Variants in RYR3 observed in about 807,000 individuals in gnomAD.
The protein encoded by RYR3 is brain ryanodine receptor-calcium release channel.
A neutral mutation model predicts 584.3 loss-of-function variants in RYR3; 207 were observed. The ratio of observed to expected loss-of-function variants is 0.35; its 90% CI spans 0.32 to 0.40. The LOEUF (loss-of-function observed/expected upper bound fraction) is 0.40, where lower values mean the gene tolerates loss of function less well. RYR3 is among the 10% of genes least tolerant of loss of function. The probability of loss-of-function intolerance (pLI) is 1.00; values close to 1 mark genes in which losing one functional copy is unlikely to be tolerated. For synonymous variants in RYR3, 2,416 were observed against 2,248.5 expected (o/e 1.07, Z -2.11); for missense variants, 5,616 against 6,089.2 (o/e 0.92, Z 2.59).
chr15:33,469,988 C>T (rs2048803450), intron 1 of RYR3, among the ~76,000 whole-genome samples: 1 of 152,056 alleles, frequency 6.6e-6, no homozygotes, highest in African/African-American at 2.4e-5. Flanking sequence ...ATTTGGGAGA[C>T]AGTAAGGCAA....
intron 44 of RYR3, among the ~76,000 whole-genome samples, chr15:33,723,632 G>C (rs533027476): frequency 6.6e-6 from 1 of 152,102 alleles, no homozygotes; most frequent in African/African-American, 2.4e-5. Context: ...CTACACATAC[G>C]CTTTCGCCAC....
At chr15:33,854,977 G>A in intron 98 of RYR3, 65 bp downstream of exon 98, 6 of 1,452,218 alleles carry the variant, frequency 4.1e-6, no homozygotes, top group Non-Finnish European at 5.6e-6. Flanking sequence ...AGAACAGCAG[G>A]TAGTATACAG....
intron 45 of RYR3, among the ~76,000 whole-genome samples, chr15:33,724,779 CT>C: frequency 6.6e-6 from 1 of 152,248 alleles, no homozygotes; most frequent in East Asian, 1.9e-4. Flanking sequence ...GAAATAGCTG[CT>C]TTTCCTATGA....
intron 36 of RYR3, among the ~76,000 whole-genome samples, chr15:33,664,274 G>T (rs1317255545): frequency 2.0e-5 from 3 of 152,042 alleles, no homozygotes; most frequent in Non-Finnish European, 4.4e-5. Flanking sequence ...AGTCATCTTT[G>T]TGATTTGTTG....
chr15:33,860,601 T>G lies in RYR3; in HGVS notation c.14306T>G (p.Ile4769Ser). The change falls in exon 101 of 104, where the codon ATT (isoleucine) becomes AGT (serine). Residue 4769 changes from isoleucine (I) to serine (S), a missense_variant. Physicochemically the swap from Ile to Ser is moderately radical, Grantham distance 142 (BLOSUM62 -2). Coordinates refer to ENST00000634891, the MANE Select transcript of RYR3 (RefSeq NM_001036.6). The part of the protein sequence containing the change: ...VILLAIIQGL[I>S]IDAFGELRDQ... ...TTTGTATTTAACATTCCAGGTCTTA[T>G]TATTGATGCTTTCGGAGAGCTAAGA... 2 of 1,583,888 alleles carry G rather than the reference T, an allele frequency of 1.3e-6. No individual in the cohort carries two copies. Among genetic ancestry groups the G allele is most frequent in the Non-Finnish European group, 8.6e-7 (1 of 1,162,746 alleles).
chr15:33,495,827 G>A (rs977385735), intron 2 of RYR3, among the ~76,000 whole-genome samples: 2 of 152,194 alleles, frequency 1.3e-5, no homozygotes, highest in Admixed American at 1.3e-4. Context: ...ATAAAATCTG[G>A]TTAAGATGAG....
At chr15:33,850,823 GCTAT>G (rs2079053131) in intron 94 of RYR3, 1 of 151,976 alleles carries the variant, frequency 6.6e-6, no homozygotes, top group Non-Finnish European at 1.5e-5. Context: ...CCAACCCACA[GCTAT>G]CTACATTTTT....
chr15:33,834,285 AAC>A (rs61059288), intron 86 of RYR3, among the ~76,000 whole-genome samples: 24,716 of 136,818 alleles, frequency 0.18, 2,182 homozygotes, highest in Middle Eastern at 0.26. Flanking sequence ...ATCTGTCTTA[AAC>A]ACACACACAC....
At chr15:33,383,345 A>G (rs1595915804) in intron 1 of RYR3, among the ~76,000 whole-genome samples, 2 of 148,812 alleles carry the variant, frequency 1.3e-5, no homozygotes, top group African/African-American at 2.5e-5. Flanking sequence ...AGGCCAGAAA[A>G]ATGAATGCAG....
chr15:33,693,811 G>A (rs1172344154), intron 38 of RYR3, among the ~76,000 whole-genome samples: 1 of 152,196 alleles, frequency 6.6e-6, no homozygotes, highest in Non-Finnish European at 1.5e-5. Context: ...GGATGAGTTT[G>A]GACAAGAGCA....
chr15:33,324,546 G>C (rs79942985), intron 1 of RYR3, among the ~76,000 whole-genome samples: 4,079 of 152,252 alleles, frequency 0.027, 62 homozygotes, highest in Non-Finnish European at 0.037. Context: ...TTTGGTGCTT[G>C]TCAACATCTA....
rs431825174 is a variant in RYR3 at position 33,857,900 on chromosome 15, G to A, written c.14128G>A (p.Asp4710Asn). 2.9e-5 allele frequency: 46 copies of A among 1,613,984 alleles called. No homozygotes were observed. Among genetic ancestry groups the A allele is most frequent in the Admixed American group, 8.3e-5 (5 of 60,006 alleles). ...EDDDEPDMKCDDMMTCYLFHM... is the reference protein window; with the variant it reads ...EDDDEPDMKCNDMMTCYLFHM... ...CGATGACGAGCCCGATATGAAGTGC[G>A]ACGACATGATGACGGTGAGAGCCCA... The change falls in exon 99 of 104, where the codon GAC becomes AAC. Residue 4710 changes from aspartate to asparagine, a missense_variant. Around this residue, in one of 9 missense-constraint regions of RYR3, gnomAD observed 918 missense variants for 887.4 expected, o/e 1.03. Coordinates refer to ENST00000634891, the MANE Select transcript of RYR3 (RefSeq NM_001036.6).
chr15:33,750,536 C>T (rs1367857580), intron 57 of RYR3, among the ~76,000 whole-genome samples: 1 of 152,170 alleles, frequency 6.6e-6, no homozygotes, highest in Non-Finnish European at 1.5e-5. Context: ...TTCATTGTAA[C>T]TTAAAATATA....
At chr15:33,722,237 A>T (rs1483534708) in intron 43 of RYR3, among the ~76,000 whole-genome samples, 1 of 152,164 alleles carries the variant, frequency 6.6e-6, no homozygotes, top group African/African-American at 2.4e-5. Context: ...GGTAATCAAG[A>T]TGTAAAGTCC....
chr15:33,399,587 G>A (rs1433356502), intron 1 of RYR3, among the ~76,000 whole-genome samples: 2 of 152,074 alleles, frequency 1.3e-5, no homozygotes, highest in African/African-American at 4.8e-5. Context: ...GCAGTGAGCC[G>A]AGATAGCGCC....
rs184506951 is a variant in RYR3, at chr15:33,398,499, G to A, written c.52-74920G>A. Among the ~76,000 whole-genome samples the A allele has an allele frequency of 1.8e-3, 279 of 152,326 alleles. 1 individual carries two copies. The highest frequency in any genetic ancestry group is 3.3e-3 in the Admixed American group (50 of 15,308). On this transcript the variant is annotated intron_variant, in intron 1 of 103. Coordinates refer to ENST00000634891, the MANE Select transcript of RYR3 (RefSeq NM_001036.6). ...GATTAGGTCACAGTGAATTTTGGCA[G>A]TATTAAAATGTGCTAGTCTGACAGA... is the stretch of plus-strand genomic sequence containing the variant.
intron 3 of RYR3, among the ~76,000 whole-genome samples, chr15:33,506,997 A>T (rs2052540574): frequency 6.6e-6 from 1 of 152,196 alleles, no homozygotes; most frequent in South Asian, 2.1e-4. Flanking sequence ...TCTGTTTGGA[A>T]ATAGCCATTT....
At chr15:33,643,349 T>C (rs2061935095) in intron 27 of RYR3, among the ~76,000 whole-genome samples, 1 of 152,240 alleles carries the variant, frequency 6.6e-6, no homozygotes. Context: ...CCTGTGTTGC[T>C]GATTTGTTGG....
At chr15:33,734,630 G>T (rs1463502305) in intron 48 of RYR3, among the ~76,000 whole-genome samples, 1 of 150,626 alleles carries the variant, frequency 6.6e-6, no homozygotes, top group Non-Finnish European at 1.5e-5. Context: ...TGGTGAGACT[G>T]ATTTGAGCTG....
Sources: gnomAD v4.1 joint callset for allele counts (sites outside exome capture counted in the v4.1 genomes callset) on GRCh38, gnomAD v4.1.1 for gene constraint, gnomAD v4.1.1 regional missense constraint, MANE v1.5 for transcripts, NCBI Gene and HGNC (gene_info 2026-07-23, HGNC 2026-07-21) for gene names.